ADARB1: variants seen among roughly 807,000 people sequenced by gnomAD.
ADARB1 encodes the protein double-stranded RNA-specific editase 1.
Under a neutral mutation model 52.4 loss-of-function variants are expected in ADARB1, and 10 were observed. The ratio of observed to expected loss-of-function variants is 0.19; its 90% CI spans 0.12 to 0.32. ADARB1 has a LOEUF of 0.32. Ranked by LOEUF, ADARB1 falls within the 10% of genes least tolerant of loss-of-function variation. ADARB1 has a pLI of 1.00. For missense variants in ADARB1, 643 were observed against 922.3 expected, an observed-to-expected ratio of 0.70 and a Z score of 3.92; for synonymous variants, 349 against 371.1, an observed-to-expected ratio of 0.94 and a Z score of 0.68.
chr21:45,083,969 G>A (rs2086245494), intron 1 of ADARB1, among the ~76,000 whole-genome samples: 1 of 152,210 alleles, frequency 6.6e-6, no homozygotes, highest in Admixed American at 6.5e-5. Context: ...CCAAAATGCT[G>A]GGATTACAGG....
In ADARB1 at chr21:45,175,802, G is replaced by A; in HGVS notation, c.101G>A (p.Gly34Glu). ...TCCCCCAAGGATGGCAGCACACCTG[G>A]GCCTGGCGAGGGCTCTCAGCTCTCC... ...NVSPKDGSTP[G>E]PGEGSQLSNG... is the part of the protein sequence containing the mutation. The change falls in exon 4 of 11, where the codon GGG becomes GAG. Residue 34 changes from glycine (G) to glutamate (E), a missense_variant. By Grantham distance (98) the Gly-to-Glu change is moderately conservative. Coordinates refer to ENST00000348831, the MANE Select transcript of ADARB1 (RefSeq NM_001112.4). 1 of 1,614,188 alleles carries A rather than the reference G, an allele frequency of 6.2e-7. No individual in the cohort carries two copies. Among genetic ancestry groups the A allele is most frequent in the East Asian group, 2.2e-5 (1 of 44,886 alleles).
chr21:45,079,869 A>G lies in ADARB1; in HGVS notation c.-220+5076A>G, dbSNP rs568084962. Among the ~76,000 whole-genome samples, 12 of 152,308 alleles carry G rather than the reference A, an allele frequency of 7.9e-5. No homozygotes were observed. The South Asian group carries it at 1.5e-3, about 18-fold the overall frequency. Reference sequence around the variant, plus strand: ...GGAGTCATTTGCATATTGCTGATCTATGAGGCATACAGTATGGATACAGAG... The same window carrying G: ...GGAGTCATTTGCATATTGCTGATCTGTGAGGCATACAGTATGGATACAGAG... On this transcript the variant is annotated intron_variant, in intron 1 of 10. Transcript: ENST00000348831.
chr21:45,122,502 A>G (rs754073248), intron 1 of ADARB1, among the ~76,000 whole-genome samples: 4 of 152,158 alleles, frequency 2.6e-5, no homozygotes, highest in Non-Finnish European at 5.9e-5. Flanking sequence ...CAGCTTGACA[A>G]ATTTGGAGTC....
chr21:45,189,342 C>T (rs888168343), intron 8 of ADARB1, among the ~76,000 whole-genome samples: 6 of 152,162 alleles, frequency 3.9e-5, no homozygotes, highest in African/African-American at 9.7e-5. Context: ...ACTTCAATTA[C>T]ATAGTAAAAC....
chr21:45,103,568 G>T (rs564830286), intron 1 of ADARB1, among the ~76,000 whole-genome samples: 10 of 151,932 alleles, frequency 6.6e-5, no homozygotes, highest in Non-Finnish European at 1.3e-4. Flanking sequence ...TCACAATAGG[G>T]TTCCAGTCCT....
intron 1 of ADARB1, among the ~76,000 whole-genome samples, chr21:45,115,446 C>G (rs983635264): frequency 1.3e-5 from 2 of 152,242 alleles, no homozygotes; most frequent in African/African-American, 4.8e-5. Flanking sequence ...CTGGATCACT[C>G]AACTTGTCCC....
At position 45,096,074 on chromosome 21, in the gene ADARB1, C is replaced by T. The variant is rs76129323; in HGVS notation, c.-220+21281C>T. ...TGGAGAAAGTGGCTGACTGGCCAAGCGGGTTTGCTAATCCTTTATCCCAAA... is the reference window on the plus strand; with the variant it reads ...TGGAGAAAGTGGCTGACTGGCCAAGTGGGTTTGCTAATCCTTTATCCCAAA... On this transcript the variant is annotated intron_variant, in intron 1 of 10. Transcript: ENST00000348831. 4.5e-3 allele frequency among the ~76,000 whole-genome samples: 686 copies of T among 152,350 alleles called. 9 individuals are homozygous for T. Among genetic ancestry groups the T allele is most frequent in the East Asian group, 0.027 (138 of 5,186 alleles).
intron 1 of ADARB1, among the ~76,000 whole-genome samples, chr21:45,092,034 CT>C (rs2086580308): frequency 6.6e-6 from 1 of 152,214 alleles, no homozygotes; most frequent in Non-Finnish European, 1.5e-5. Flanking sequence ...GATCAACATC[CT>C]TCCTCTTTCA....
At chr21:45,153,652 C>G (rs1311227649) in intron 2 of ADARB1, among the ~76,000 whole-genome samples, 1 of 152,198 alleles carries the variant, frequency 6.6e-6, no homozygotes. Flanking sequence ...TGTAATAGTA[C>G]CTTGTAATAT....
At chr21:45,214,914 T>C (rs1249114625) in intron 9 of ADARB1, among the ~76,000 whole-genome samples, 3 of 152,234 alleles carry the variant, frequency 2.0e-5, no homozygotes, top group Non-Finnish European at 2.9e-5. Flanking sequence ...TACATCCTTA[T>C]TGCACTGGTT....
chr21:45,080,781 G>A (rs191408579), intron 1 of ADARB1, among the ~76,000 whole-genome samples: 1 of 152,296 alleles, frequency 6.6e-6, no homozygotes, highest in East Asian at 1.9e-4. Context: ...TGCTTGATTT[G>A]CCTAGCTGGG....
chr21:45,162,405 T>C (rs2091019984), intron 2 of ADARB1, among the ~76,000 whole-genome samples: 1 of 152,032 alleles, frequency 6.6e-6, no homozygotes, highest in African/African-American at 2.4e-5. Context: ...CCCTTGCCAC[T>C]CCACACCTGG....
intron 1 of ADARB1, among the ~76,000 whole-genome samples, chr21:45,089,534 A>G (rs1027086028): frequency 5.3e-5 from 8 of 152,012 alleles, no homozygotes; most frequent in African/African-American, 1.9e-4. Flanking sequence ...TTTGAATCCT[A>G]AGAATACTTT....
intron 1 of ADARB1, among the ~76,000 whole-genome samples, chr21:45,090,226 C>T (rs184264443): frequency 2.6e-5 from 4 of 152,250 alleles, no homozygotes; most frequent in Admixed American, 2.6e-4. Context: ...AATAGATTTC[C>T]TGATATTAAA....
At chr21:45,082,713 C>T (rs1470642976) in intron 1 of ADARB1, among the ~76,000 whole-genome samples, 1 of 152,168 alleles carries the variant, frequency 6.6e-6, no homozygotes, top group Non-Finnish European at 1.5e-5. Context: ...CTAGTTTAAT[C>T]CTCATGATGA....
chr21:45,112,008 T>G (rs1289281132), intron 1 of ADARB1, among the ~76,000 whole-genome samples: 2 of 152,244 alleles, frequency 1.3e-5, no homozygotes, highest in African/African-American at 4.8e-5. Context: ...AGTTTCTGTC[T>G]TCTTAATTTT....
At chr21:45,108,322 G>A (rs2087351985) in intron 1 of ADARB1, among the ~76,000 whole-genome samples, 1 of 152,136 alleles carries the variant, frequency 6.6e-6, no homozygotes, top group Non-Finnish European at 1.5e-5. Flanking sequence ...AGTCTCACTT[G>A]ATAGCTATTT....
chr21:45,149,258 GTCC>G (rs1353139029), intron 2 of ADARB1, among the ~76,000 whole-genome samples: 3 of 152,306 alleles, frequency 2.0e-5, no homozygotes, highest in African/African-American at 7.2e-5. Flanking sequence ...CACCAGCTCT[GTCC>G]TCTGTACTGG....
At chr21:45,219,485 C>T (rs1471702268) in intron 9 of ADARB1, among the ~76,000 whole-genome samples, 4 of 152,318 alleles carry the variant, frequency 2.6e-5, no homozygotes, top group Non-Finnish European at 5.9e-5. Context: ...GATCGCACCA[C>T]ACACTCCAGC....
Sources: allele counts gnomAD v4.1 joint callset (sites outside exome capture counted in the v4.1 genomes callset), GRCh38; gene constraint gnomAD v4.1.1; transcripts MANE v1.5; gene names NCBI Gene and HGNC (gene_info 2026-07-23, HGNC 2026-07-21).